FAM135B: variants seen among roughly 807,000 people sequenced by gnomAD.
FAM135B encodes the protein family with sequence similarity 135 member B.
A neutral mutation model predicts 127.7 loss-of-function variants in FAM135B; 43 were observed. The ratio of observed to expected loss-of-function variants is 0.34; its 90% CI spans 0.26 to 0.43. FAM135B has a LOEUF of 0.43. Ranked by LOEUF, FAM135B falls within the 20% of genes least tolerant of loss-of-function variation. The pLI is 1.00. For missense variants in FAM135B, 1,558 were observed against 1,725.6 expected, an observed-to-expected ratio of 0.90 and a Z score of 1.72; for synonymous variants, 670 against 665.1, an observed-to-expected ratio of 1.01 and a Z score of -0.11.
intron 3 of FAM135B, among the ~76,000 whole-genome samples, chr8:138,285,060 A>G (rs752994684): frequency 3.9e-5 from 6 of 151,926 alleles, no homozygotes; most frequent in African/African-American, 7.3e-5. Context: ...TAATAAAAAT[A>G]TAGAGAAGTC....
At chr8:138,326,994 C>T (rs1366829507) in intron 2 of FAM135B, among the ~76,000 whole-genome samples, 2 of 151,918 alleles carry the variant, frequency 1.3e-5, no homozygotes, top group African/African-American at 2.4e-5. Flanking sequence ...AAAGTCTGTG[C>T]TAGATCTCAT....
At chr8:138,432,133 C>T (rs1444557700) in intron 1 of FAM135B, among the ~76,000 whole-genome samples, 5 of 152,146 alleles carry the variant, frequency 3.3e-5, no homozygotes, top group Non-Finnish European at 7.4e-5. Context: ...CATGTATAAA[C>T]AAAGTTGGCA....
At chr8:138,240,395 A>G (rs1455691738) in intron 7 of FAM135B, among the ~76,000 whole-genome samples, 1 of 152,202 alleles carries the variant, frequency 6.6e-6, no homozygotes, top group African/African-American at 2.4e-5. Context: ...TGAGCTGGGC[A>G]CACACACGTC....
intron 2 of FAM135B, among the ~76,000 whole-genome samples, chr8:138,320,176 G>T (rs1021920527): frequency 1.3e-4 from 20 of 152,312 alleles, no homozygotes; most frequent in South Asian, 8.3e-4. Flanking sequence ...AAGCCACTTA[G>T]GTTATGGCAA....
intron 1 of FAM135B, among the ~76,000 whole-genome samples, chr8:138,444,645 T>C (rs1023705210): frequency 9.2e-5 from 14 of 151,946 alleles, no homozygotes; most frequent in East Asian, 3.9e-4. Flanking sequence ...GGGACACATT[T>C]AAAGCAGTGT....
intron 9 of FAM135B, among the ~76,000 whole-genome samples, chr8:138,183,946 T>C (rs951950794): frequency 2.0e-5 from 3 of 152,196 alleles, no homozygotes; most frequent in Non-Finnish European, 4.4e-5. Context: ...GTCCCTTCTA[T>C]GCAGGAATTC....
chr8:138,300,616 C>A, intron 3 of FAM135B, among the ~76,000 whole-genome samples: 1 of 152,218 alleles, frequency 6.6e-6, no homozygotes, highest in African/African-American at 2.4e-5. Flanking sequence ...ATGTAATTAT[C>A]CATCATTAGT....
At chr8:138,136,728 G>T (rs191120714) in intron 19 of FAM135B, among the ~76,000 whole-genome samples, 1 of 152,294 alleles carries the variant, frequency 6.6e-6, no homozygotes, top group African/African-American at 2.4e-5. Flanking sequence ...GTCTGACTCT[G>T]TCCTATGTCC....
intron 1 of FAM135B, among the ~76,000 whole-genome samples, chr8:138,430,232 C>T (rs1434790400): frequency 6.6e-6 from 1 of 152,202 alleles, no homozygotes; most frequent in Non-Finnish European, 1.5e-5. Flanking sequence ...CCACTTCCAT[C>T]TGTATTGATA....
At chr8:138,489,558 C>A (rs1815122972) in intron 1 of FAM135B, among the ~76,000 whole-genome samples, 1 of 152,144 alleles carries the variant, frequency 6.6e-6, no homozygotes, top group Admixed American at 6.5e-5. Flanking sequence ...TTCCAAAATG[C>A]ATGTTTGTAT....
At chr8:138,454,462 G>A (rs1836664389) in intron 1 of FAM135B, among the ~76,000 whole-genome samples, 2 of 152,186 alleles carry the variant, frequency 1.3e-5, no homozygotes, top group South Asian at 4.1e-4. Flanking sequence ...TCTTCTCCTG[G>A]AAAGAACCTG....
chr8:138,223,957 C>T (rs1329897187), intron 7 of FAM135B, among the ~76,000 whole-genome samples: 1 of 151,830 alleles, frequency 6.6e-6, no homozygotes, highest in South Asian at 2.1e-4. Flanking sequence ...CACATGTTCT[C>T]ACTTTTAAGT....
chr8:138,462,049 T>C (rs140183903), intron 1 of FAM135B, among the ~76,000 whole-genome samples: 2 of 152,178 alleles, frequency 1.3e-5, no homozygotes, highest in Non-Finnish European at 2.9e-5. Flanking sequence ...ATGATAATAA[T>C]GATGATGATG....
chr8:138,144,627 G>T (rs1817506379), intron 15 of FAM135B, among the ~76,000 whole-genome samples: 1 of 152,140 alleles, frequency 6.6e-6, no homozygotes, highest in Non-Finnish European at 1.5e-5. Context: ...CCCCAGCCAA[G>T]GCGTTTAAAT....
At chr8:138,214,914 T>G (rs1276130191) in intron 7 of FAM135B, among the ~76,000 whole-genome samples, 1 of 152,128 alleles carries the variant, frequency 6.6e-6, no homozygotes, top group Admixed American at 6.5e-5. Flanking sequence ...GTGCACTGTC[T>G]GGATAAGAAG....
chr8:138,278,582 G>A (rs1215621154), intron 3 of FAM135B, among the ~76,000 whole-genome samples: 1 of 36,702 alleles, frequency 2.7e-5, no homozygotes, highest in East Asian at 7.8e-4. Context: ...TTTTTTTTTT[G>A]AGGCAGAGTC....
intron 1 of FAM135B, among the ~76,000 whole-genome samples, chr8:138,447,470 C>T (rs539023819): frequency 6.6e-6 from 1 of 152,282 alleles, no homozygotes; most frequent in Non-Finnish European, 1.5e-5. Flanking sequence ...GAATACTATG[C>T]AGCCATAAAA....
chr8:138,159,044 G>A (rs1431235013), intron 12 of FAM135B, among the ~76,000 whole-genome samples: 229 of 150,654 alleles, frequency 1.5e-3, no homozygotes, highest in Non-Finnish European at 1.6e-3. Context: ...AGGCCGAGGC[G>A]GGTGGATCAT....
chr8:138,289,539 T>C (rs1824945938), intron 3 of FAM135B, among the ~76,000 whole-genome samples: 1 of 152,244 alleles, frequency 6.6e-6, no homozygotes, highest in African/African-American at 2.4e-5. Flanking sequence ...GGAGACCCGC[T>C]TAGCGCAAGG....
Sources: allele counts gnomAD v4.1 joint callset (sites outside exome capture counted in the v4.1 genomes callset), GRCh38; gene constraint gnomAD v4.1.1; transcripts MANE v1.5; gene names NCBI Gene and HGNC (gene_info 2026-07-23, HGNC 2026-07-21).